The following PTPRM variants were observed in gnomAD, a reference collection of about 807,000 sequenced individuals.
The protein encoded by PTPRM is receptor-type tyrosine-protein phosphatase mu.
PTPRM carries 47 observed loss-of-function variants against 186.7 expected under a neutral mutation model. The ratio of observed to expected loss-of-function variants is 0.25; its 90% CI spans 0.20 to 0.32. PTPRM has a LOEUF of 0.32. Ranked by LOEUF, PTPRM falls within the 10% of genes least tolerant of loss-of-function variation. PTPRM has a pLI of 1.00. For synonymous variants in PTPRM, 668 were observed against 674.9 expected (o/e 0.99, Z 0.16); for missense variants, 1,494 against 1,865.0 (o/e 0.80, Z 3.66).
intron 7 of PTPRM, among the ~76,000 whole-genome samples, chr18:8,044,003 C>T (rs927557128): frequency 3.3e-5 from 5 of 152,280 alleles, no homozygotes; most frequent in African/African-American, 9.6e-5. Flanking sequence ...AGTCAGGGAG[C>T]CCTATCTTCA....
chr18:7,953,759 C>T (rs2053127697), intron 6 of PTPRM, among the ~76,000 whole-genome samples: 1 of 152,128 alleles, frequency 6.6e-6, no homozygotes, highest in Non-Finnish European at 1.5e-5. Flanking sequence ...TCATGTGGTG[C>T]TAGCTTCTCT....
At chr18:8,300,990 A>ATAG (rs2095151425) in intron 20 of PTPRM, among the ~76,000 whole-genome samples, 2 of 152,172 alleles carry the variant, frequency 1.3e-5, no homozygotes, top group African/African-American at 4.8e-5. Context: ...GGCATAGTGA[A>ATAG]TAGTATTACC....
intron 7 of PTPRM, among the ~76,000 whole-genome samples, chr18:8,002,959 A>G (rs1376927068): frequency 6.6e-6 from 1 of 152,208 alleles, no homozygotes; most frequent in African/African-American, 2.4e-5. Context: ...AAACTGAAAT[A>G]TCAAAGAATT....
intron 19 of PTPRM, among the ~76,000 whole-genome samples, chr18:8,257,124 G>T (rs990398549): frequency 2.0e-5 from 3 of 152,212 alleles, no homozygotes; most frequent in African/African-American, 7.2e-5. Context: ...TACTCTGAAG[G>T]CCAGTGGGGT....
intron 13 of PTPRM, among the ~76,000 whole-genome samples, chr18:8,134,735 C>G (rs1205950256): frequency 6.6e-6 from 1 of 151,804 alleles, no homozygotes; most frequent in East Asian, 1.9e-4. Context: ...TCATTCTTTC[C>G]TTTTTCATTC....
chr18:7,666,524 G>A (rs1214598268), intron 1 of PTPRM, among the ~76,000 whole-genome samples: 1 of 152,124 alleles, frequency 6.6e-6, no homozygotes, highest in East Asian at 1.9e-4. Context: ...AGCGTCTGAC[G>A]AGTCTTCACA....
intron 14 of PTPRM, among the ~76,000 whole-genome samples, chr18:8,221,875 G>T (rs2147076693): frequency 6.6e-6 from 1 of 152,254 alleles, no homozygotes; most frequent in Middle Eastern, 3.4e-3. Context: ...ACCAAGTCTT[G>T]GCCAAAGGTG....
rs116599578 is a variant in PTPRM at position 7,791,807 on chromosome 18, A to T, written c.196+17536A>T. Among the ~76,000 whole-genome samples the T allele has an allele frequency of 7.7e-3, 1,166 of 152,306 alleles. 18 individuals carry two copies. Among genetic ancestry groups the T allele is most frequent in the African/African-American group, 0.026 (1,069 of 41,566 alleles). ...TTCTATAAAGGAGTGCTATCTTTAAAAATCCAATTAATTGACTAAAATAAT... is the reference window on the plus strand; with the variant it reads ...TTCTATAAAGGAGTGCTATCTTTAATAATCCAATTAATTGACTAAAATAAT... On this transcript the variant is annotated intron_variant, in intron 2 of 32. Coordinates refer to ENST00000580170, the MANE Select transcript of PTPRM (RefSeq NM_001105244.2).
At chr18:7,881,280 C>A (rs1013539202) in intron 2 of PTPRM, among the ~76,000 whole-genome samples, 1 of 152,042 alleles carries the variant, frequency 6.6e-6, no homozygotes, top group Non-Finnish European at 1.5e-5. Flanking sequence ...ACTAAAAATA[C>A]AAAAATTAGC....
chr18:7,889,887 T>C (rs2048982044), intron 3 of PTPRM, among the ~76,000 whole-genome samples: 1 of 152,196 alleles, frequency 6.6e-6, no homozygotes, highest in African/African-American at 2.4e-5. Context: ...TTGGGGGCTC[T>C]GTGGAGACCT....
intron 2 of PTPRM, among the ~76,000 whole-genome samples, chr18:7,776,290 G>A (rs562797006): frequency 6.9e-4 from 105 of 152,206 alleles, no homozygotes; most frequent in African/African-American, 2.3e-3. Context: ...GTGTGTTTTG[G>A]ACCCTCACCC....
chr18:8,000,828 T>G (rs2083826710), intron 7 of PTPRM, among the ~76,000 whole-genome samples: 1 of 152,222 alleles, frequency 6.6e-6, no homozygotes, highest in East Asian at 1.9e-4. Flanking sequence ...AGAAAGTAGC[T>G]TTTACAATTG....
In PTPRM at chr18:8,376,211, C is replaced by A; in HGVS notation, c.3326+11C>A. ...GGTGGTGCACTGCAGGTAAGCAGAG[C>A]TCCAGAGCCTCTTGAAGGAAACGCA... On this transcript the variant is annotated intron_variant, in intron 25 of 32. Transcript: ENST00000580170. 6.2e-7 allele frequency: 1 copy of A among 1,606,584 alleles called. No homozygotes were observed. Among genetic ancestry groups the A allele is most frequent in the East Asian group, 2.2e-5 (1 of 44,718 alleles).
At chr18:8,022,766 C>T (rs2085313625) in intron 7 of PTPRM, among the ~76,000 whole-genome samples, 1 of 152,154 alleles carries the variant, frequency 6.6e-6, no homozygotes, top group South Asian at 2.1e-4. Context: ...CTTCAAATTC[C>T]TGAATATGTA....
chr18:8,338,765 A>T (rs529185985), intron 22 of PTPRM, among the ~76,000 whole-genome samples: 1 of 152,242 alleles, frequency 6.6e-6, no homozygotes, highest in Non-Finnish European at 1.5e-5. Flanking sequence ...TATTCTGTTT[A>T]TGATGGAATG....
chr18:7,832,471 A>G (rs200043327), intron 2 of PTPRM, among the ~76,000 whole-genome samples: 1 of 38,488 alleles, frequency 2.6e-5, no homozygotes, highest in African/African-American at 4.7e-5. Flanking sequence ...TACTTATTAG[A>G]TATTTTTCCT....
intron 20 of PTPRM, among the ~76,000 whole-genome samples, chr18:8,308,868 T>TA (rs2095246584): frequency 6.6e-6 from 1 of 152,248 alleles, no homozygotes; most frequent in Non-Finnish European, 1.5e-5. Context: ...ATGTGCTCAG[T>TA]AACTAGTGTG....
At chr18:8,013,960 A>G (rs182126264) in intron 7 of PTPRM, among the ~76,000 whole-genome samples, 3 of 152,340 alleles carry the variant, frequency 2.0e-5, no homozygotes, top group Admixed American at 6.5e-5. Context: ...TGAAAATTAT[A>G]TCTAAACATA....
chr18:8,367,957 T>A (rs758970719), intron 23 of PTPRM, among the ~76,000 whole-genome samples: 13 of 152,184 alleles, frequency 8.5e-5, no homozygotes, highest in Admixed American at 2.0e-4. Flanking sequence ...TAAGGTGTTT[T>A]TATTAGGTAA....
Sources: gnomAD v4.1 joint callset for allele counts (sites outside exome capture counted in the v4.1 genomes callset) on GRCh38, gnomAD v4.1.1 for gene constraint, MANE v1.5 for transcripts, NCBI Gene and HGNC (gene_info 2026-07-23, HGNC 2026-07-21) for gene names.